Variants in RARB observed in about 807,000 individuals in gnomAD.
RARB encodes retinoic acid receptor beta.
Under a neutral mutation model 51.9 loss-of-function variants are expected in RARB, and 17 were observed. That is an observed-to-expected ratio of 0.33 (90% CI 0.22 to 0.49). The LOEUF is 0.49. RARB is among the 20% of genes least tolerant of loss of function. RARB has a pLI of 0.99. For synonymous variants in RARB, 215 were observed against 195.4 expected (o/e 1.10, Z -0.84); for missense variants, 369 against 550.8 (o/e 0.67, Z 3.30).
In RARB at chr3:25,522,375, G is replaced by A. The variant is rs374088571; in HGVS notation, c.448+21052G>A. Among the ~76,000 whole-genome samples, 16 of 152,270 alleles carry A rather than the reference G, an allele frequency of 1.1e-4. No homozygotes were observed. The East Asian group carries it at 3.1e-3, about 29-fold the overall frequency. ...GCAGGGGGCGGGGCACGTTTTACGA[G>A]TAGGTGGCAATATACACCCATCACC... On this transcript the variant is annotated intron_variant, in intron 3 of 7. Coordinates refer to ENST00000330688, the MANE Select transcript of RARB (RefSeq NM_000965.5).
At chr3:25,010,975 A>G (rs929493643) in intron 2 of RARB, among the ~76,000 whole-genome samples, 4 of 152,094 alleles carry the variant, frequency 2.6e-5, no homozygotes, top group East Asian at 1.9e-4. Flanking sequence ...CATCCCTGCA[A>G]TGCTCAGCAT....
chr3:25,470,432 C>T (rs760298022), intron 2 of RARB, among the ~76,000 whole-genome samples: 4 of 152,096 alleles, frequency 2.6e-5, no homozygotes, highest in Non-Finnish European at 4.4e-5. Context: ...GAGAAGGAGT[C>T]TCGGATCCCT....
chr3:25,214,970 C>G (rs1701790927), intron 5 of RARB, among the ~76,000 whole-genome samples: 1 of 152,076 alleles, frequency 6.6e-6, no homozygotes, highest in Non-Finnish European at 1.5e-5. Context: ...ACATGAATGA[C>G]TAGGGAAGGA....
chr3:24,958,972 G>T (rs1286977613), intron 2 of RARB, among the ~76,000 whole-genome samples: 1 of 152,254 alleles, frequency 6.6e-6, no homozygotes, highest in Non-Finnish European at 1.5e-5. Flanking sequence ...AGCCGGTGCA[G>T]GAGGCAGGGC....
intron 5 of RARB, among the ~76,000 whole-genome samples, chr3:25,337,575 G>T (rs937130703): frequency 6.6e-6 from 1 of 151,970 alleles, no homozygotes; most frequent in African/African-American, 2.4e-5. Context: ...TGCTTTTATT[G>T]TTCTCTCTGC....
chr3:24,894,069 A>G (rs1225638089), intron 2 of RARB, among the ~76,000 whole-genome samples: 1 of 152,178 alleles, frequency 6.6e-6, no homozygotes, highest in East Asian at 1.9e-4. Flanking sequence ...TATTTCCTAT[A>G]CATTTTTAGT....
chr3:25,299,408 C>T (rs1488494961), intron 5 of RARB, among the ~76,000 whole-genome samples: 3 of 152,090 alleles, frequency 2.0e-5, no homozygotes, highest in Non-Finnish European at 4.4e-5. Flanking sequence ...CCATGTTGCC[C>T]AGGCTGGTCT....
intron 4 of RARB, among the ~76,000 whole-genome samples, chr3:25,574,301 A>G (rs919368216): frequency 6.6e-6 from 1 of 152,190 alleles, no homozygotes. Flanking sequence ...CAGCTCCTTC[A>G]TCTGTATAAT....
At chr3:24,994,258 G>T in intron 2 of RARB, among the ~76,000 whole-genome samples, 1 of 152,020 alleles carries the variant, frequency 6.6e-6, no homozygotes, top group Admixed American at 6.6e-5. Flanking sequence ...GATAATTCAT[G>T]ATGTTGGTCA....
chr3:25,443,590 G>A (rs982424125), intron 1 of RARB, among the ~76,000 whole-genome samples: 1 of 149,630 alleles, frequency 6.7e-6, no homozygotes, highest in Non-Finnish European at 1.5e-5. Context: ...TCTAGCCTGG[G>A]CGACAGACAG....
chr3:25,182,405 A>C (rs1041509128), intron 5 of RARB, among the ~76,000 whole-genome samples: 1 of 152,228 alleles, frequency 6.6e-6, no homozygotes, highest in Non-Finnish European at 1.5e-5. Context: ...CAGGGAAAGC[A>C]GGAAAGTTTC....
intron 5 of RARB, among the ~76,000 whole-genome samples, chr3:25,363,949 T>G (rs1294389139): frequency 6.6e-6 from 1 of 152,302 alleles, no homozygotes; most frequent in East Asian, 1.9e-4. Context: ...GATATCCATA[T>G]AGATCTTTCC....
At position 25,119,004 on chromosome 3, in the gene RARB, G is replaced by A. The variant is rs78325287; in HGVS notation, c.-327-13157G>A. ...ACCAATGTCATTCCCAGTATAAGCT[G>A]AAAAAATATCATGCAGTTTTTTAAA... On this transcript the variant is annotated intron_variant, in intron 3 of 11. Coordinates refer to the RARB transcript ENST00000383772. Among the ~76,000 whole-genome samples the A allele has an allele frequency of 6.6e-3, 1,003 of 152,214 alleles. 8 individuals are homozygous for A. Among genetic ancestry groups the A allele is most frequent in the African/African-American group, 0.022 (913 of 41,540 alleles).
intron 1 of RARB, among the ~76,000 whole-genome samples, chr3:24,830,170 C>T (rs6777659): frequency 4.8e-4 from 73 of 152,176 alleles, no homozygotes; most frequent in Admixed American, 1.5e-3. Context: ...TGTGTGCGCG[C>T]TTTGGCAGGA....
chr3:24,903,865 C>A (rs922483074), intron 2 of RARB, among the ~76,000 whole-genome samples: 2 of 152,050 alleles, frequency 1.3e-5, no homozygotes, highest in Non-Finnish European at 2.9e-5. Flanking sequence ...ATTGCTATAA[C>A]ATAGAATTTT....
intron 5 of RARB, among the ~76,000 whole-genome samples, chr3:25,308,467 G>C (rs1473959496): frequency 2.2e-5 from 1 of 46,160 alleles, no homozygotes; most frequent in Non-Finnish European, 4.2e-5. Flanking sequence ...TTTTTTTTTT[G>C]AGACAGAGTC....
At chr3:25,298,690 C>T (rs938272043) in intron 5 of RARB, among the ~76,000 whole-genome samples, 3 of 152,100 alleles carry the variant, frequency 2.0e-5, no homozygotes, top group Non-Finnish European at 2.9e-5. Context: ...ATGCTTGGGG[C>T]CTACTGATTC....
At chr3:24,912,105 TCTC>T (rs1438861593) in intron 2 of RARB, among the ~76,000 whole-genome samples, 1 of 152,182 alleles carries the variant, frequency 6.6e-6, no homozygotes, top group African/African-American at 2.4e-5. Flanking sequence ...CTTTTCCATG[TCTC>T]CTGCTGTGCT....
At chr3:24,989,101 C>T (rs1250017263) in intron 2 of RARB, among the ~76,000 whole-genome samples, 1 of 152,250 alleles carries the variant, frequency 6.6e-6, no homozygotes, top group Non-Finnish European at 1.5e-5. Context: ...GCTGGGATTA[C>T]AGGCGTGAGC....
Sources: gnomAD v4.1 joint callset for allele counts (sites outside exome capture counted in the v4.1 genomes callset) on GRCh38, gnomAD v4.1.1 for gene constraint, MANE v1.5 for transcripts, NCBI Gene and HGNC (gene_info 2026-07-23, HGNC 2026-07-21) for gene names.